ESCO2: variants seen among roughly 807,000 people sequenced by gnomAD.
ESCO2 encodes the protein establishment of sister chromatid cohesion N-acetyltransferase 2, also known as N-acetyltransferase ESCO2.
ESCO2 carries 51 observed loss-of-function variants against 61.7 expected under a neutral mutation model. The observed-to-expected ratio is 0.83, with a 90% confidence interval of 0.66 to 1.04. ESCO2 has a LOEUF of 1.04. Ranked by LOEUF, ESCO2 falls within the 50% of genes least tolerant of loss-of-function variation. The pLI is 0.00. For missense variants in ESCO2, 692 were observed against 686.2 expected, an observed-to-expected ratio of 1.01 and a Z score of -0.09; for synonymous variants, 230 against 238.2, an observed-to-expected ratio of 0.97 and a Z score of 0.32.
At chr8:27,784,728 GA>G (rs1804999713) in intron 5 of ESCO2, among the ~76,000 whole-genome samples, 1 of 152,114 alleles carries the variant, frequency 6.6e-6, no homozygotes, top group Non-Finnish European at 1.5e-5. Flanking sequence ...GCAGAGCTCT[GA>G]AAAAGTAGTT....
At chr8:27,774,676 G>C (rs1348685050) in intron 1 of ESCO2, 69 bp downstream of exon 1, 1 of 152,516 alleles carries the variant, frequency 6.6e-6, no homozygotes, top group Non-Finnish European at 1.5e-5. Flanking sequence ...CCTGTGGAAC[G>C]TGGGGGCGAA....
chr8:27,807,662 G>C (rs999522449), downstream of ESCO2, among the ~76,000 whole-genome samples: 3 of 152,030 alleles, frequency 2.0e-5, no homozygotes, highest in African/African-American at 7.2e-5. Context: ...TTTGAAGATT[G>C]GCATTGTTAA....
At chr8:27,809,150 G>A (rs908524175), downstream of ESCO2, among the ~76,000 whole-genome samples, 20 of 152,294 alleles carry the variant, frequency 1.3e-4, no homozygotes, top group African/African-American at 4.8e-4. Context: ...AAAGAAGAGT[G>A]ACACATGTCA....
At chr8:27,772,465 C>T (rs561925634), upstream of ESCO2, 29 of 1,542,232 alleles carry the variant, frequency 1.9e-5, no homozygotes, top group African/African-American at 1.6e-4. Context: ...GTCCCGGCTT[C>T]GGAGCCCGCT....
chr8:27,804,631 C>T lies in ESCO2; in HGVS notation c.*1193C>T. The T allele has an allele frequency of 1.0e-6, 1 of 985,358 alleles. No individual in the cohort carries two copies. Among genetic ancestry groups the T allele is most frequent in the Non-Finnish European group, 1.2e-6 (1 of 829,912 alleles). The allele number at this position is 985,358 out of a possible 1,614,324, so 61.0% of individuals were successfully genotyped here. On this transcript the variant is annotated 3_prime_UTR_variant, in exon 11 of 11. Transcript: ENST00000305188. ...ATTCAACTGCTAACTGGCAATAAGA[C>T]TCTAGGCAAGTCGTTTTCCAGATTG...
chr8:27,815,751 G>C (rs374398122), downstream of ESCO2, among the ~76,000 whole-genome samples: 2 of 152,314 alleles, frequency 1.3e-5, no homozygotes, highest in African/African-American at 4.8e-5. Flanking sequence ...TTTCCTGTAT[G>C]TATGTTTACA....
At chr8:27,780,060 G>A (rs1271781453) in intron 3 of ESCO2, 114 bp from the exon 4 acceptor site, 1 of 708,750 alleles carries the variant, frequency 1.4e-6, no homozygotes, top group Non-Finnish European at 2.5e-6. Context: ...ATTATGAAAT[G>A]TAATTCATAA....
At chr8:27,811,520 T>C (rs1805683415), downstream of ESCO2, among the ~76,000 whole-genome samples, 1 of 152,136 alleles carries the variant, frequency 6.6e-6, no homozygotes, top group African/African-American at 2.4e-5. Flanking sequence ...GTGAACAATA[T>C]TAGGCTGAGA....
Position 27,804,312 on chromosome 8 carries a change from G to A in ESCO2, c.*874G>A. The A allele has an allele frequency of 2.0e-6, 2 of 985,248 alleles. No individual in the cohort carries two copies. Among genetic ancestry groups the A allele is most frequent in the Non-Finnish European group, 2.4e-6 (2 of 829,896 alleles). 61.0% of individuals were successfully genotyped at this position (985,248 alleles called of 1,614,324 possible). ...TGGAAATATTGGTAGTACTACTTTG[G>A]GAACCTGTTACTGACAATTGATGTC... On this transcript the variant is annotated 3_prime_UTR_variant, in exon 11 of 11. Transcript: ENST00000305188.
chr8:27,799,499 A>G (rs527975090), intron 9 of ESCO2, 42 bp from the exon 10 acceptor site: 1 of 1,606,020 alleles, frequency 6.2e-7, no homozygotes, highest in African/African-American at 1.3e-5. Flanking sequence ...GTGTGAACTC[A>G]TCTGTGGTGT....
At chr8:27,791,882 T>G (rs949067569) in intron 7 of ESCO2, 81 bp from the exon 8 acceptor site, 2 of 1,185,306 alleles carry the variant, frequency 1.7e-6, no homozygotes, top group Non-Finnish European at 1.3e-6. Flanking sequence ...GCCTTTTGTC[T>G]TCTCCACATC....
At chr8:27,785,842 C>T (rs186191870) in intron 5 of ESCO2, among the ~76,000 whole-genome samples, 29 of 152,304 alleles carry the variant, frequency 1.9e-4, no homozygotes, top group African/African-American at 6.0e-4. Flanking sequence ...AGTGCTTAGT[C>T]GCACATTTGT....
At chr8:27,817,195 G>T (rs1476769486), downstream of ESCO2, among the ~76,000 whole-genome samples, 1 of 152,042 alleles carries the variant, frequency 6.6e-6, no homozygotes, top group Admixed American at 6.6e-5. Context: ...TATATTTTTA[G>T]TGAGAAAGCC....
At chr8:27,797,197 T>C (rs920733905) in intron 9 of ESCO2, among the ~76,000 whole-genome samples, 4 of 152,226 alleles carry the variant, frequency 2.6e-5, no homozygotes, top group African/African-American at 9.6e-5. Context: ...TGAAGTCCCC[T>C]ACAATTTTGT....
chr8:27,777,354 G>A (rs1804818451), intron 3 of ESCO2, 185 bp downstream of exon 3: 1 of 521,144 alleles, frequency 1.9e-6, no homozygotes. Context: ...GACCCAGGCT[G>A]TAGTGCAGTG....
chr8:27,788,940 C>G lies in ESCO2; in HGVS notation c.1225C>G (p.Gln409Glu). 1 of 1,614,042 alleles carries G rather than the reference C, an allele frequency of 6.2e-7. No homozygotes were observed. The highest frequency in any genetic ancestry group is 8.5e-7 in the Non-Finnish European group (1 of 1,180,004). The change falls in exon 7 of 11, where the codon CAG becomes GAG. Residue 409 changes from glutamine to glutamate, a missense_variant. Gln to Glu is a conservative substitution (Grantham distance 29). Coordinates refer to ENST00000305188, the MANE Select transcript of ESCO2 (RefSeq NM_001017420.3). ...SNPEDEMQHV[Q>E]HHHRFLEGIK... is the part of the protein sequence containing the mutation. Reference sequence around the variant, plus strand: ...CCCTGAAGATGAAATGCAGCATGTACAGCATCACCACAGGTTTCTGGAAGG... The same window carrying G: ...CCCTGAAGATGAAATGCAGCATGTAGAGCATCACCACAGGTTTCTGGAAGG...
chr8:27,816,359 T>A (rs4732764), downstream of ESCO2, among the ~76,000 whole-genome samples: 6,207 of 125,444 alleles, frequency 0.049, 280 homozygotes, highest in African/African-American at 0.091. Context: ...ATATATATAT[T>A]TATTTATTTA....
chr8:27,776,765 A>G lies in ESCO2; in HGVS notation c.457A>G (p.Arg153Gly), dbSNP rs1804802027. ...SLTAKYQPKY[R>G]HIKPVSRNSR... ...AACTGCTAAGTATCAACCAAAGTAT[A>G]GACACATCAAGCCTGTATCAAGGAA... The change falls in exon 3 of 11, where the codon AGA becomes GGA. Residue 153 changes from arginine to glycine, a missense_variant. Transcript: ENST00000305188. The G allele has an allele frequency of 2.5e-6, 4 of 1,614,020 alleles. No homozygotes were observed. The highest frequency in any genetic ancestry group is 3.4e-6 in the Non-Finnish European group (4 of 1,180,028).
In ESCO2 at chr8:27,776,699, G is replaced by C; in HGVS notation, c.391G>C (p.Val131Leu). 2 of 1,613,748 alleles carry C rather than the reference G, an allele frequency of 1.2e-6. No homozygotes were observed. The highest frequency in any genetic ancestry group is 2.2e-5 in the East Asian group (1 of 44,866). Residue 131 changes from valine to leucine, a missense_variant, in exon 3 of 11, where the codon GTC becomes CTC. Coordinates refer to ENST00000305188, the MANE Select transcript of ESCO2 (RefSeq NM_001017420.3). ...IVTEKMQGKP[V>L]CSKKNNKKPQ... ...GACAGAAAAAATGCAAGGAAAACCA[G>C]TCTGCTCCAAGAAGAACAACAAAAA...
Sources: allele counts gnomAD v4.1 joint callset (sites outside exome capture counted in the v4.1 genomes callset), GRCh38; gene constraint gnomAD v4.1.1; transcripts MANE v1.5; gene names NCBI Gene and HGNC (gene_info 2026-07-23, HGNC 2026-07-21).